Variants in NRXN3 observed in about 807,000 individuals in gnomAD.
The protein encoded by NRXN3 is neurexin 3.
A neutral mutation model predicts 137.6 loss-of-function variants in NRXN3; 32 were observed. The ratio of observed to expected loss-of-function variants is 0.23; its 90% CI spans 0.18 to 0.31. The LOEUF (loss-of-function observed/expected upper bound fraction) is 0.31. NRXN3 is among the 10% of genes least tolerant of loss of function. The probability of loss-of-function intolerance (pLI) is 1.00; values close to 1 mark genes in which losing one functional copy is unlikely to be tolerated. For synonymous variants in NRXN3, 798 were observed against 784.5 expected (o/e 1.02, Z -0.29); for missense variants, 1,574 against 2,062.5 (o/e 0.76, Z 4.59).
At chr14:78,541,559 C>T (rs1329616282) in intron 4 of NRXN3, among the ~76,000 whole-genome samples, 4 of 152,206 alleles carry the variant, frequency 2.6e-5, no homozygotes, top group Non-Finnish European at 5.9e-5. Flanking sequence ...TGGGTTCTAA[C>T]ATCCTCCTTT....
intron 19 of NRXN3, among the ~76,000 whole-genome samples, chr14:79,766,799 G>A (rs1249272808): frequency 6.6e-6 from 1 of 152,214 alleles, no homozygotes; most frequent in African/African-American, 2.4e-5. Context: ...TTAGCAGGCA[G>A]GCAGGAAGAA....
At chr14:78,615,976 T>C (rs970848878) in intron 4 of NRXN3, among the ~76,000 whole-genome samples, 22 of 151,860 alleles carry the variant, frequency 1.4e-4, no homozygotes, top group African/African-American at 5.3e-4. Context: ...ACAAAACAAA[T>C]CAACAAAACC....
rs1360425427 is a variant in NRXN3 at position 79,861,277 on chromosome 14, C to G, written c.4094-65C>G. On this transcript the variant is annotated intron_variant, in intron 20 of 20. Transcript: ENST00000335750. This position sits in a 1 kb window ranked among gnomAD's most constrained non-coding sequence, Gnocchi z 5.4. ...TATCTGGGTATGGCTCAGGGGAAAC[C>G]TTTGACTCTAACCTGCCCCCTACTG... The G allele has an allele frequency of 3.9e-6, 6 of 1,536,104 alleles. No homozygotes were observed. The highest frequency in any genetic ancestry group is 5.2e-6 in the Non-Finnish European group (6 of 1,146,912).
At chr14:79,073,893 G>A (rs557959904) in intron 15 of NRXN3, among the ~76,000 whole-genome samples, 5 of 152,234 alleles carry the variant, frequency 3.3e-5, no homozygotes, top group East Asian at 1.9e-4. Context: ...CCTTGGACAC[G>A]TTATTTAACC....
intron 16 of NRXN3, among the ~76,000 whole-genome samples, chr14:79,475,604 A>G (rs2096552601): frequency 6.6e-6 from 1 of 152,090 alleles, no homozygotes; most frequent in Admixed American, 6.6e-5. Flanking sequence ...TAGGTTTTCT[A>G]CTCATTATGA....
chr14:78,751,623 T>G (rs1245960457), intron 8 of NRXN3, among the ~76,000 whole-genome samples: 1 of 152,174 alleles, frequency 6.6e-6, no homozygotes, highest in Non-Finnish European at 1.5e-5. Flanking sequence ...CACATAGTCT[T>G]GCCACCCCTC....
chr14:78,441,351 T>C (rs568055101), intron 4 of NRXN3, among the ~76,000 whole-genome samples: 9 of 152,282 alleles, frequency 5.9e-5, no homozygotes, highest in African/African-American at 2.2e-4. Context: ...ATTTCCTTCA[T>C]CAGAATTTTC....
chr14:78,917,988 GAA>G (rs71131666), intron 10 of NRXN3, among the ~76,000 whole-genome samples: 7 of 107,486 alleles, frequency 6.5e-5, no homozygotes, highest in Admixed American at 3.0e-4. Context: ...ATAAAAAAAT[GAA>G]AAAAAAAAAA....
intron 4 of NRXN3, among the ~76,000 whole-genome samples, chr14:78,338,310 G>T (rs141243948): frequency 3.3e-5 from 5 of 152,324 alleles, no homozygotes; most frequent in Admixed American, 6.5e-5. Context: ...TTAACGTGTG[G>T]CCAGTAACTA....
At chr14:78,398,284 T>G (rs911309032) in intron 4 of NRXN3, among the ~76,000 whole-genome samples, 1 of 152,082 alleles carries the variant, frequency 6.6e-6, no homozygotes, top group Admixed American at 6.5e-5. Flanking sequence ...CATCTATTGA[T>G]TGTCTCTTTT....
intron 15 of NRXN3, among the ~76,000 whole-genome samples, chr14:78,994,059 T>C (rs999846991): frequency 1.3e-5 from 2 of 151,866 alleles, no homozygotes; most frequent in South Asian, 4.2e-4. Flanking sequence ...TTTCACCTTG[T>C]TGGCCAGGCT....
intron 15 of NRXN3, among the ~76,000 whole-genome samples, chr14:79,027,048 A>G (rs2099599776): frequency 6.8e-6 from 1 of 146,544 alleles, no homozygotes; most frequent in South Asian, 2.1e-4. Flanking sequence ...TACCCCAAAA[A>G]GCAGGACAAC....
intron 17 of NRXN3, among the ~76,000 whole-genome samples, chr14:79,666,807 T>C (rs1363984046): frequency 1.3e-5 from 2 of 152,116 alleles, no homozygotes; most frequent in Non-Finnish European, 2.9e-5. Context: ...TTAAAAGTTT[T>C]ATTGGCACCA....
intron 4 of NRXN3, among the ~76,000 whole-genome samples, chr14:78,337,514 C>G (rs2081615254): frequency 6.6e-6 from 1 of 152,070 alleles, no homozygotes; most frequent in South Asian, 2.1e-4. Context: ...AAAGTAAATG[C>G]TCACCTAGGC....
chr14:78,842,556 G>T (rs1381567082), intron 10 of NRXN3, among the ~76,000 whole-genome samples: 1 of 152,088 alleles, frequency 6.6e-6, no homozygotes. Flanking sequence ...GAAGTTTCAG[G>T]CACGCATTGT....
intron 15 of NRXN3, among the ~76,000 whole-genome samples, chr14:79,446,199 G>A (rs917177688): frequency 6.6e-6 from 1 of 152,102 alleles, no homozygotes; most frequent in African/African-American, 2.4e-5. Flanking sequence ...TCACTGGATT[G>A]GAGACCACTA....
chr14:78,636,445 A>G (rs980736143), intron 4 of NRXN3, among the ~76,000 whole-genome samples: 3 of 152,138 alleles, frequency 2.0e-5, no homozygotes, highest in African/African-American at 7.2e-5. Context: ...TACGAAATGT[A>G]GAACTAGGGT....
chr14:79,008,294 A>T (rs2099558893), intron 15 of NRXN3, among the ~76,000 whole-genome samples: 1 of 152,202 alleles, frequency 6.6e-6, no homozygotes, highest in Admixed American at 6.5e-5. Flanking sequence ...AACATAAAGG[A>T]CAGAAAATGT....
At chr14:79,638,399 AC>A (rs2098416534) in intron 16 of NRXN3, among the ~76,000 whole-genome samples, 2 of 152,154 alleles carry the variant, frequency 1.3e-5, no homozygotes, top group Non-Finnish European at 2.9e-5. Context: ...AGCCCAAAAC[AC>A]CATTTTACAG....
Sources: gnomAD v4.1 joint callset for allele counts (sites outside exome capture counted in the v4.1 genomes callset) on GRCh38, gnomAD v4.1.1 for gene constraint, Gnocchi (gnomAD v3.1) non-coding constraint, MANE v1.5 for transcripts, NCBI Gene and HGNC (gene_info 2026-07-23, HGNC 2026-07-21) for gene names.